Variants in MTSS1 observed in about 807,000 individuals in gnomAD.
MTSS1 encodes MTSS I-BAR domain containing 1.
MTSS1 carries 18 observed loss-of-function variants against 79.0 expected under a neutral mutation model. That is an observed-to-expected ratio of 0.23 (90% CI 0.16 to 0.34). MTSS1 has a LOEUF of 0.34. Among genes scored for constraint, MTSS1 ranks in the 10% least tolerant of loss-of-function variants. The pLI is 1.00. For missense variants in MTSS1, 815 were observed against 986.2 expected, an observed-to-expected ratio of 0.83 and a Z score of 2.33; for synonymous variants, 341 against 368.6, an observed-to-expected ratio of 0.93 and a Z score of 0.86.
chr8:124,672,642 C>T (rs1824453173), intron 3 of MTSS1, among the ~76,000 whole-genome samples: 1 of 150,592 alleles, frequency 6.6e-6, no homozygotes, highest in Non-Finnish European at 1.5e-5. Flanking sequence ...CTCATCTCTA[C>T]AAAATAATTT....
At chr8:124,718,112 G>T (rs957416579) in intron 1 of MTSS1, among the ~76,000 whole-genome samples, 1 of 150,912 alleles carries the variant, frequency 6.6e-6, no homozygotes, top group African/African-American at 2.4e-5. Flanking sequence ...TTGTGAGTGT[G>T]AACATAACCC....
At chr8:124,693,555 C>T (rs998134247) in intron 3 of MTSS1, among the ~76,000 whole-genome samples, 2 of 152,152 alleles carry the variant, frequency 1.3e-5, no homozygotes, top group African/African-American at 4.8e-5. Context: ...TTTTCTTCAC[C>T]AACATGCTTC....
chr8:124,625,022 G>C (rs1814381207), intron 3 of MTSS1, among the ~76,000 whole-genome samples: 1 of 152,188 alleles, frequency 6.6e-6, no homozygotes, highest in South Asian at 2.1e-4. Context: ...CAGGGCCTGG[G>C]TGTGTGGATT....
intron 3 of MTSS1, among the ~76,000 whole-genome samples, chr8:124,599,847 C>T (rs10110296): frequency 0.044 from 6,692 of 152,130 alleles, 496 homozygotes; most frequent in African/African-American, 0.15. Context: ...CTCACCATGG[C>T]TAATCTAGAG....
intron 1 of MTSS1, among the ~76,000 whole-genome samples, chr8:124,723,367 T>A (rs1442005282): frequency 6.6e-6 from 1 of 152,220 alleles, no homozygotes; most frequent in East Asian, 1.9e-4. Context: ...TCAGCTTACC[T>A]TCTATGCAAA....
intron 3 of MTSS1, among the ~76,000 whole-genome samples, chr8:124,630,529 G>A (rs1487757832): frequency 1.3e-5 from 2 of 152,146 alleles, no homozygotes; most frequent in South Asian, 2.1e-4. Flanking sequence ...CTGCATCACC[G>A]CCCACATTTT....
chr8:124,569,847 A>G (rs1424957050), intron 6 of MTSS1, among the ~76,000 whole-genome samples: 2 of 152,208 alleles, frequency 1.3e-5, no homozygotes, highest in Non-Finnish European at 2.9e-5. Context: ...AGGTCACAGA[A>G]AGAATGGTAC....
At chr8:124,701,083 T>G (rs1300069387) in intron 2 of MTSS1, among the ~76,000 whole-genome samples, 11 of 151,830 alleles carry the variant, frequency 7.2e-5, no homozygotes, top group Non-Finnish European at 1.0e-4. Context: ...AAAATTGTTT[T>G]TAAATTAGCC....
chr8:124,656,244 C>T (rs770022807), intron 3 of MTSS1, among the ~76,000 whole-genome samples: 50 of 152,144 alleles, frequency 3.3e-4, no homozygotes, highest in Non-Finnish European at 6.8e-4. Flanking sequence ...CAACTCTTTC[C>T]TTTAGGAAGA....
rs1832831808 is a variant in MTSS1 at position 124,721,032 on chromosome 8, G to A, written c.72+6852C>T. 2.0e-5 allele frequency among the ~76,000 whole-genome samples: 3 copies of A among 152,104 alleles called. No individual in the cohort carries two copies. In the South Asian group the frequency reaches 6.2e-4, roughly 32 times the overall value. On this transcript the variant is annotated intron_variant, in intron 1 of 13. Coordinates refer to ENST00000518547, the MANE Select transcript of MTSS1 (RefSeq NM_014751.6). Reference sequence around the variant, plus strand: ...CTCTAGCTCCAGAATTTCTATGGAGGGGTTTAGGGGCAGTGTTGTAGCCAG... The same window carrying A: ...CTCTAGCTCCAGAATTTCTATGGAGAGGTTTAGGGGCAGTGTTGTAGCCAG...
At chr8:124,693,174 A>G (rs12543994) in intron 3 of MTSS1, among the ~76,000 whole-genome samples, 54,263 of 151,986 alleles carry the variant, frequency 0.36, 10,494 homozygotes, top group Non-Finnish European at 0.41. Context: ...ATGTGCCAGC[A>G]GATAGGGATC....
At chr8:124,592,067 T>C (rs909704900) in intron 3 of MTSS1, among the ~76,000 whole-genome samples, 9 of 152,284 alleles carry the variant, frequency 5.9e-5, no homozygotes, top group African/African-American at 2.2e-4. Flanking sequence ...ATTACAGGCG[T>C]GAGCCACCAT....
intron 3 of MTSS1, among the ~76,000 whole-genome samples, chr8:124,600,073 T>C (rs922082382): frequency 2.0e-5 from 3 of 151,030 alleles, no homozygotes; most frequent in African/African-American, 4.9e-5. Flanking sequence ...AAACCAAATA[T>C]GCTGACCAGT....
intron 3 of MTSS1, among the ~76,000 whole-genome samples, chr8:124,680,724 T>A (rs1825992178): frequency 6.6e-6 from 1 of 152,198 alleles, no homozygotes; most frequent in Non-Finnish European, 1.5e-5. Flanking sequence ...TAACAACCTA[T>A]TACATGTGTC....
At chr8:124,585,762 G>A (rs375446397) in intron 5 of MTSS1, among the ~76,000 whole-genome samples, 7 of 151,958 alleles carry the variant, frequency 4.6e-5, no homozygotes, top group South Asian at 2.1e-4. Context: ...TCAAGTATCC[G>A]GAAAGATTTT....
At chr8:124,616,805 T>C (rs185288921) in intron 3 of MTSS1, among the ~76,000 whole-genome samples, 40 of 152,368 alleles carry the variant, frequency 2.6e-4, no homozygotes, top group Admixed American at 1.8e-3. Flanking sequence ...CTTCAGATTA[T>C]GAGACTGACG....
At chr8:124,559,487 A>G (rs1222472677) in intron 10 of MTSS1, among the ~76,000 whole-genome samples, 3 of 152,150 alleles carry the variant, frequency 2.0e-5, no homozygotes, top group South Asian at 4.1e-4. Flanking sequence ...GGTCAGCACA[A>G]TGTTTCTGGT....
intron 3 of MTSS1, among the ~76,000 whole-genome samples, chr8:124,602,570 C>A (rs138647333): frequency 6.6e-6 from 1 of 152,136 alleles, no homozygotes; most frequent in African/African-American, 2.4e-5. Flanking sequence ...CCATGTGAGG[C>A]CTGCAGGTTG....
intron 13 of MTSS1, among the ~76,000 whole-genome samples, chr8:124,554,663 C>T (rs964904226): frequency 6.6e-6 from 1 of 152,188 alleles, no homozygotes; most frequent in African/African-American, 2.4e-5. Flanking sequence ...TTGGGCATTA[C>T]ACTCTAACAC....
Sources: gnomAD v4.1 joint callset for allele counts (sites outside exome capture counted in the v4.1 genomes callset) on GRCh38, gnomAD v4.1.1 for gene constraint, MANE v1.5 for transcripts, NCBI Gene and HGNC (gene_info 2026-07-23, HGNC 2026-07-21) for gene names.